TFDP2: variants seen among roughly 807,000 people sequenced by gnomAD.
TFDP2 encodes transcription factor Dp-2 (E2F dimerization partner 2).
Under a neutral mutation model 59.3 loss-of-function variants are expected in TFDP2, and 17 were observed. That is an observed-to-expected ratio of 0.29 (90% CI 0.20 to 0.43). TFDP2 has a LOEUF of 0.43. TFDP2 is among the 20% of genes least tolerant of loss of function. TFDP2 has a pLI of 1.00. For missense variants in TFDP2, 391 were observed against 528.8 expected (o/e 0.74, Z 2.56); for synonymous variants, 180 against 194.7 (o/e 0.92, Z 0.63).
At chr3:142,132,580 G>C (rs1328204741) in intron 1 of TFDP2, among the ~76,000 whole-genome samples, 6 of 148,748 alleles carry the variant, frequency 4.0e-5, no homozygotes, top group Non-Finnish European at 7.4e-5. Flanking sequence ...CCCGTCTCTA[G>C]AAAAAATACA....
intron 3 of TFDP2, among the ~76,000 whole-genome samples, chr3:142,082,499 G>A (rs1343109041): frequency 6.6e-6 from 1 of 152,050 alleles, no homozygotes; most frequent in Non-Finnish European, 1.5e-5. Flanking sequence ...GAGGAGAGAT[G>A]AATACTTCCA....
At chr3:142,037,872 T>A (rs1293324754) in intron 3 of TFDP2, among the ~76,000 whole-genome samples, 1 of 152,206 alleles carries the variant, frequency 6.6e-6, no homozygotes, top group Non-Finnish European at 1.5e-5. Flanking sequence ...TTTATTTCCC[T>A]TTTAAGTGGA....
intron 1 of TFDP2, among the ~76,000 whole-genome samples, chr3:142,104,573 T>G (rs1215785599): frequency 2.0e-5 from 3 of 152,148 alleles, no homozygotes; most frequent in Non-Finnish European, 4.4e-5. Flanking sequence ...TCAACTATTT[T>G]TTAGAAAGTT....
chr3:142,014,326 T>TTTTATTTTTATTTTTATTTTA (rs1944958049), intron 3 of TFDP2, among the ~76,000 whole-genome samples: 1 of 152,034 alleles, frequency 6.6e-6, no homozygotes, highest in Non-Finnish European at 1.5e-5. Context: ...TTATTTTTAT[T>TTTTATTTTTATTTTTATTTTA]TTTTGTAGGG....
intron 5 of TFDP2, 48 bp downstream of exon 5, chr3:141,994,972 C>A: frequency 6.9e-7 from 1 of 1,454,922 alleles, no homozygotes; most frequent in Non-Finnish European, 9.1e-7. Context: ...AAAAAAATGT[C>A]TAAACTTTTT....
Position 141,985,542 on chromosome 3 carries a change from A to C in TFDP2, c.357-6860T>G, listed in dbSNP as rs931136831. Among the ~76,000 whole-genome samples the C allele has an allele frequency of 5.3e-5, 8 of 149,984 alleles. No homozygotes were observed. In the South Asian group the frequency reaches 1.1e-3, roughly 20 times the overall value. On this transcript the variant is annotated intron_variant, in intron 6 of 12. Transcript: ENST00000489671. The stretch of plus-strand genomic sequence containing the variant: ...CTCAAAAAAAAAAAAAAAAAAAAAA[A>C]ACACCTATTTTTTCTTCATAGATTT...
At chr3:142,098,192 T>C (rs907204277) in intron 2 of TFDP2, among the ~76,000 whole-genome samples, 15 of 151,894 alleles carry the variant, frequency 9.9e-5, no homozygotes, top group African/African-American at 3.4e-4. Context: ...TTTTTTCTTT[T>C]CTTTATCTGT....
At chr3:141,990,230 T>A (rs1226538556) in intron 6 of TFDP2, among the ~76,000 whole-genome samples, 1 of 151,852 alleles carries the variant, frequency 6.6e-6, no homozygotes. Context: ...TTCAATAAGA[T>A]CTTAGCAGTG....
intron 2 of TFDP2, among the ~76,000 whole-genome samples, chr3:142,095,887 C>G (rs957683701): frequency 3.9e-5 from 6 of 152,124 alleles, no homozygotes; most frequent in African/African-American, 1.4e-4. Context: ...TACAATATAA[C>G]CATTTAAATA....
At chr3:142,007,075 T>C (rs544785582) in intron 3 of TFDP2, among the ~76,000 whole-genome samples, 1 of 152,280 alleles carries the variant, frequency 6.6e-6, no homozygotes, top group Admixed American at 6.5e-5. Flanking sequence ...CGCCTGGCCC[T>C]AAATGACTTC....
chr3:141,963,267 C>A (rs935556102), intron 10 of TFDP2, among the ~76,000 whole-genome samples: 1 of 152,064 alleles, frequency 6.6e-6, no homozygotes, highest in Non-Finnish European at 1.5e-5. Flanking sequence ...TGAATATTAT[C>A]ATTGATCTTA....
intron 3 of TFDP2, among the ~76,000 whole-genome samples, chr3:142,047,509 C>T (rs1174767435): frequency 6.6e-6 from 1 of 152,036 alleles, no homozygotes; most frequent in Non-Finnish European, 1.5e-5. Context: ...CCCTATTTTG[C>T]CTTTCAAACT....
rs141120304 is a variant in TFDP2 at position 142,077,429 on chromosome 3, C to A, written c.82+15632G>T. ...AACCTGAAAAAGACACTCCTTCTTT[C>A]TGCTTGAGGAGTGGAGAAGGAAGTT... On this transcript the variant is annotated intron_variant, in intron 3 of 12. Transcript: ENST00000489671. Among the ~76,000 whole-genome samples the A allele has an allele frequency of 1.4e-3, 211 of 152,132 alleles. 1 individual carries two copies. Among genetic ancestry groups the A allele is most frequent in the African/African-American group, 4.9e-3 (202 of 41,502 alleles).
chr3:142,114,884 G>T (rs189165657), intron 1 of TFDP2, among the ~76,000 whole-genome samples: 131 of 152,072 alleles, frequency 8.6e-4, no homozygotes, highest in African/African-American at 3.1e-3. Context: ...GGTATATATA[G>T]GAAAATGTAC....
At chr3:142,080,819 G>C (rs1460154038) in intron 3 of TFDP2, among the ~76,000 whole-genome samples, 1 of 152,092 alleles carries the variant, frequency 6.6e-6, no homozygotes, top group African/African-American at 2.4e-5. Context: ...CCCAACACTG[G>C]AGCACACAGA....
chr3:142,114,417 AAT>A (rs1318440782), intron 1 of TFDP2, among the ~76,000 whole-genome samples: 7 of 152,208 alleles, frequency 4.6e-5, no homozygotes, highest in African/African-American at 1.7e-4. Context: ...TAAAGTATTA[AAT>A]AGTTTTAGAT....
intron 3 of TFDP2, among the ~76,000 whole-genome samples, chr3:142,014,312 T>A (rs529937283): frequency 1.5e-4 from 23 of 152,220 alleles, no homozygotes; most frequent in African/African-American, 2.9e-4. Flanking sequence ...CCAGGTATTT[T>A]TTTTTATTTT....
chr3:141,979,881 G>A (rs561973293), intron 6 of TFDP2, among the ~76,000 whole-genome samples: 7 of 151,018 alleles, frequency 4.6e-5, no homozygotes, highest in African/African-American at 1.2e-4. Context: ...GAGCCACTGC[G>A]CCTGGCCCTC....
chr3:142,021,413 C>T (rs1429403740), intron 3 of TFDP2, among the ~76,000 whole-genome samples: 1 of 152,188 alleles, frequency 6.6e-6, no homozygotes, highest in Non-Finnish European at 1.5e-5. Context: ...TCAGGATTCA[C>T]CCAAATGGAT....
Sources: allele counts gnomAD v4.1 joint callset (sites outside exome capture counted in the v4.1 genomes callset), GRCh38; gene constraint gnomAD v4.1.1; transcripts MANE v1.5; gene names NCBI Gene and HGNC (gene_info 2026-07-23, HGNC 2026-07-21).